The following NR1H4 variants were observed in gnomAD, a reference collection of about 807,000 sequenced individuals.
NR1H4 encodes the protein bile acid receptor.
NR1H4 carries 23 observed loss-of-function variants against 58.5 expected under a neutral mutation model. The observed-to-expected ratio is 0.39, with a 90% CI of 0.28 to 0.56. NR1H4 has a LOEUF of 0.56. NR1H4 is among the 20% of genes least tolerant of loss of function. The probability of loss-of-function intolerance (pLI) is 0.58; values close to 1 mark genes in which losing one functional copy is unlikely to be tolerated. For missense variants in NR1H4, 487 were observed against 576.9 expected (o/e 0.84, Z 1.60); for synonymous variants, 214 against 198.0 (o/e 1.08, Z -0.68).
chr12:100,545,097 C>G (rs752695697), intron 9 of NR1H4, among the ~76,000 whole-genome samples: 12 of 152,076 alleles, frequency 7.9e-5, no homozygotes, highest in Non-Finnish European at 1.8e-4. Context: ...CTTTCTCTGT[C>G]TCTTTTTCTC....
intron 3 of NR1H4, among the ~76,000 whole-genome samples, chr12:100,510,231 A>C (rs1399747193): frequency 6.6e-6 from 1 of 152,192 alleles, no homozygotes; most frequent in Admixed American, 6.5e-5. Context: ...ATTTTCAAGC[A>C]GTGGAAAATT....
intron 9 of NR1H4, among the ~76,000 whole-genome samples, chr12:100,553,722 C>T (rs1955259795): frequency 6.6e-6 from 1 of 152,234 alleles, no homozygotes; most frequent in African/African-American, 2.4e-5. Flanking sequence ...ACAGATCCAT[C>T]TCATCTTTCT....
chr12:100,535,491 A>T (rs1046171286), intron 6 of NR1H4, among the ~76,000 whole-genome samples: 1 of 152,254 alleles, frequency 6.6e-6, no homozygotes, highest in African/African-American at 2.4e-5. Flanking sequence ...CAAGAAATCC[A>T]TTGAGCAACT....
intron 3 of NR1H4, among the ~76,000 whole-genome samples, chr12:100,500,300 C>G (rs1488398090): frequency 6.6e-6 from 1 of 152,144 alleles, no homozygotes; most frequent in African/African-American, 2.4e-5. Flanking sequence ...CCAACATTTA[C>G]TCTAGGACCT....
chr12:100,535,483 A>G (rs1954794130), intron 6 of NR1H4, among the ~76,000 whole-genome samples: 1 of 152,260 alleles, frequency 6.6e-6, no homozygotes, highest in African/African-American at 2.4e-5. Flanking sequence ...AAATTTCTCA[A>G]GAAATCCATT....
chr12:100,476,393 G>T (rs1186033032), intron 1 of NR1H4, among the ~76,000 whole-genome samples: 1 of 152,166 alleles, frequency 6.6e-6, no homozygotes, highest in Non-Finnish European at 1.5e-5. Context: ...AGCACTATTT[G>T]TTTTAACCCA....
At chr12:100,484,098 T>C (rs926531033) in intron 1 of NR1H4, among the ~76,000 whole-genome samples, 3 of 152,188 alleles carry the variant, frequency 2.0e-5, no homozygotes, top group African/African-American at 7.2e-5. Context: ...TCCTGCCCTT[T>C]AAAAATGGAT....
intron 1 of NR1H4, among the ~76,000 whole-genome samples, chr12:100,481,520 TCCCAGCA>T (rs1953379880): frequency 6.6e-6 from 1 of 152,162 alleles, no homozygotes; most frequent in Non-Finnish European, 1.5e-5. Context: ...ACTCCTGTAA[TCCCAGCA>T]CTTTGGGAGG....
At chr12:100,549,538 G>C (rs1955156922) in intron 9 of NR1H4, among the ~76,000 whole-genome samples, 1 of 152,008 alleles carries the variant, frequency 6.6e-6, no homozygotes, top group African/African-American at 2.4e-5. Context: ...GCAATAACTG[G>C]GTGAGAAATG....
chr12:100,541,985 A>G (rs1954947540), intron 9 of NR1H4, among the ~76,000 whole-genome samples: 1 of 152,184 alleles, frequency 6.6e-6, no homozygotes, highest in Non-Finnish European at 1.5e-5. Context: ...CATTTTTCAA[A>G]TGGAAAAGCT....
chr12:100,514,814 TA>T (rs1418267591), intron 4 of NR1H4, among the ~76,000 whole-genome samples: 1 of 152,184 alleles, frequency 6.6e-6, no homozygotes, highest in African/African-American at 2.4e-5. Context: ...TATATTATAT[TA>T]TAATAGCTAT....
intron 4 of NR1H4, among the ~76,000 whole-genome samples, chr12:100,513,202 G>T (rs574945490): frequency 6.6e-6 from 1 of 152,262 alleles, no homozygotes; most frequent in East Asian, 1.9e-4. Flanking sequence ...ATAGCACCTA[G>T]CACAGTGCCT....
At chr12:100,501,591 A>C (rs540320917) in intron 3 of NR1H4, among the ~76,000 whole-genome samples, 12 of 152,168 alleles carry the variant, frequency 7.9e-5, no homozygotes, top group Non-Finnish European at 1.8e-4. Flanking sequence ...GGAAGTTAGA[A>C]ATAATACCTC....
intron 8 of NR1H4, among the ~76,000 whole-genome samples, chr12:100,539,661 A>G (rs1036498947): frequency 6.6e-6 from 1 of 152,238 alleles, no homozygotes; most frequent in Non-Finnish European, 1.5e-5. Flanking sequence ...AATAATTCTT[A>G]GGTACCTATT....
At chr12:100,540,911 G>A (rs911590144) in intron 9 of NR1H4, 93 bp downstream of exon 9, 38 of 1,183,236 alleles carry the variant, frequency 3.2e-5, no homozygotes, top group Non-Finnish European at 4.3e-5. Context: ...CTTATGCAAT[G>A]TTATATGCCT....
At chr12:100,537,886 G>T (rs1229418148) in intron 8 of NR1H4, among the ~76,000 whole-genome samples, 1 of 152,098 alleles carries the variant, frequency 6.6e-6, no homozygotes, top group Non-Finnish European at 1.5e-5. Context: ...GCTAATTTTT[G>T]TATTTTTAGT....
intron 10 of NR1H4, 51 bp from the exon 11 acceptor site, chr12:100,563,199 TA>T: frequency 7.3e-7 from 1 of 1,367,386 alleles, no homozygotes; most frequent in Non-Finnish European, 1.0e-6. Flanking sequence ...TATGCTGAAT[TA>T]ATGCTTTTCC....
intron 3 of NR1H4, among the ~76,000 whole-genome samples, chr12:100,505,421 A>C (rs1470483610): frequency 6.6e-6 from 1 of 152,202 alleles, no homozygotes; most frequent in Non-Finnish European, 1.5e-5. Flanking sequence ...GCCACATTCC[A>C]AGGGTTCAAT....
At chr12:100,530,905 G>A (rs763717959) in intron 4 of NR1H4, among the ~76,000 whole-genome samples, 1 of 152,168 alleles carries the variant, frequency 6.6e-6, no homozygotes, top group Non-Finnish European at 1.5e-5. Flanking sequence ...GGGACTTTGT[G>A]TCTCACTTTC....
Sources: gnomAD v4.1 joint callset for allele counts (sites outside exome capture counted in the v4.1 genomes callset) on GRCh38, gnomAD v4.1.1 for gene constraint, MANE v1.5 for transcripts, NCBI Gene and HGNC (gene_info 2026-07-23, HGNC 2026-07-21) for gene names.